RAB21: variants seen among roughly 807,000 people sequenced by gnomAD.
RAB21 encodes the protein ras-related protein Rab-21.
A neutral mutation model predicts 33.1 loss-of-function variants in RAB21; 13 were observed. That is an observed-to-expected ratio of 0.39 (90% CI 0.26 to 0.62). RAB21 has a LOEUF of 0.62. Ranked by LOEUF, RAB21 falls within the 20% of genes least tolerant of loss-of-function variation. RAB21 has a pLI of 0.48. For missense variants in RAB21, 234 were observed against 279.1 expected, an observed-to-expected ratio of 0.84 and a Z score of 1.15; for synonymous variants, 91 against 103.7, an observed-to-expected ratio of 0.88 and a Z score of 0.74.
rs1228982652 is a variant in RAB21, at chr12:71,785,711, T to G, written c.*38T>G. 6.2e-7 allele frequency: 1 copy of G among 1,609,016 alleles called. No homozygotes were observed. The highest frequency in any genetic ancestry group is 1.7e-5 in the Admixed American group (1 of 59,676). The stretch of plus-strand genomic sequence containing the variant: ...AAGAAATTAAAAGACAGAACAAAAC[T>G]GTGGATCATTGCCCTCAACATGAAG... On this transcript the variant is annotated 3_prime_UTR_variant, in exon 7 of 7. Coordinates refer to ENST00000261263, the MANE Select transcript of RAB21 (RefSeq NM_014999.4).
At chr12:71,770,944 T>C (rs1172788479) in intron 3 of RAB21, among the ~76,000 whole-genome samples, 2 of 152,220 alleles carry the variant, frequency 1.3e-5, no homozygotes, top group African/African-American at 2.4e-5. Flanking sequence ...AATGCCTTAT[T>C]ACATGGCTTT....
rs188760898 is a variant in RAB21, at chr12:71,755,901, A to G, written c.159+613A>G. On this transcript the variant is annotated intron_variant, in intron 1 of 6. Transcript: ENST00000261263. ...GTCGATTGACCCACGCTGAAACATC[A>G]AGTGAATACTGGCCAACAATTGGTC... 2.6e-5 allele frequency among the ~76,000 whole-genome samples: 4 copies of G among 152,312 alleles called. No individual in the cohort carries two copies. The East Asian group carries it at 7.7e-4, about 29-fold the overall frequency.
At chr12:71,776,794 G>A (rs1055309976) in intron 4 of RAB21, among the ~76,000 whole-genome samples, 1 of 150,990 alleles carries the variant, frequency 6.6e-6, no homozygotes, top group South Asian at 2.1e-4. Flanking sequence ...TAAAAAAAAA[G>A]TATTTTGGGC....
chr12:71,761,786 G>C (rs1206517239), intron 1 of RAB21, among the ~76,000 whole-genome samples: 2 of 152,000 alleles, frequency 1.3e-5, no homozygotes, highest in Non-Finnish European at 2.9e-5. Context: ...TTATTTTTGA[G>C]ACACTTGGCT....
In RAB21 at chr12:71,796,278, G is replaced by A. The variant is rs1343265174; in HGVS notation, c.*10605G>A. 1 of 137,466 alleles carries A rather than the reference G, an allele frequency of 7.3e-6. No homozygotes were observed. The highest frequency in any genetic ancestry group is 1.5e-5 in the Non-Finnish European group (1 of 65,966). The allele number at this position is 137,466 out of a possible 1,614,324, so 8.5% of individuals were successfully genotyped here. A position where few individuals can be genotyped will look rare whatever the true frequency, so the allele number is the denominator to read the frequency against. ...GGATAGTGTCTCATGGCCCTGTGAG[G>A]GAACTCTACAAATTTTATCCATTTT... On this transcript the variant is annotated 3_prime_UTR_variant, in exon 7 of 7. Transcript: ENST00000261263.
chr12:71,783,565 A>C (rs1005236996), intron 6 of RAB21, among the ~76,000 whole-genome samples: 81 of 152,224 alleles, frequency 5.3e-4, no homozygotes, highest in Middle Eastern at 6.8e-3. Context: ...CCTGATCAGC[A>C]GCATCAATAT....
chr12:71,758,258 C>T (rs1882816884), intron 1 of RAB21, among the ~76,000 whole-genome samples: 1 of 152,010 alleles, frequency 6.6e-6, no homozygotes, highest in Non-Finnish European at 1.5e-5. Flanking sequence ...GTCTCGAACT[C>T]CTGACCTCAG....
Position 71,794,219 on chromosome 12 carries a change from C to G in RAB21, c.*8546C>G, listed in dbSNP as rs1394533830. The G allele has an allele frequency of 2.9e-5, 4 of 136,868 alleles. No individual in the cohort carries two copies. The highest frequency in any genetic ancestry group is 6.0e-5 in the Non-Finnish European group (4 of 66,466). 8.5% of individuals were successfully genotyped at this position (136,868 alleles called of 1,614,324 possible). ...CCTGGACGACAGAGTGAGGCCCTGT[C>G]TCAAAAAAAGAAAAAAGAAAAAAAA... On this transcript the variant is annotated 3_prime_UTR_variant, in exon 7 of 7. Coordinates refer to ENST00000261263, the MANE Select transcript of RAB21 (RefSeq NM_014999.4).
chr12:71,757,086 A>G (rs1174449990), intron 1 of RAB21, among the ~76,000 whole-genome samples: 2 of 152,210 alleles, frequency 1.3e-5, no homozygotes, highest in African/African-American at 4.8e-5. Flanking sequence ...ATCTAAGATA[A>G]AAGAAAACTA....
At chr12:71,781,991 AAATC>A (rs1338678761) in intron 4 of RAB21, 36 bp from the exon 5 acceptor site, 4 of 1,438,610 alleles carry the variant, frequency 2.8e-6, no homozygotes, top group Admixed American at 1.9e-5. Context: ...TTATGAAAAT[AAATC>A]AGTATAAAGA....
At position 71,789,178 on chromosome 12, in the gene RAB21, C is replaced by A. The variant is rs1325757082; in HGVS notation, c.*3505C>A. 6.6e-6 allele frequency: 1 copy of A among 151,448 alleles called. No individual in the cohort carries two copies. The highest frequency in any genetic ancestry group is 2.4e-5 in the African/African-American group (1 of 41,224). The allele number at this position is 151,448 out of a possible 1,614,324, so 9.4% of individuals were successfully genotyped here. ...AAGTCAAGTAAATAAAAAACTACAA[C>A]CTGACAGTTTTTTAAATCACTTTGA... On this transcript the variant is annotated 3_prime_UTR_variant, in exon 7 of 7. Transcript: ENST00000261263.
chr12:71,758,113 A>G (rs1197551759), intron 1 of RAB21, among the ~76,000 whole-genome samples: 1 of 151,584 alleles, frequency 6.6e-6, no homozygotes, highest in African/African-American at 2.4e-5. Context: ...GCTCATTGCA[A>G]CCTCTGCCTC....
Position 71,789,546 on chromosome 12 carries a change from A to G in RAB21, c.*3873A>G, listed in dbSNP as rs1883348803. On this transcript the variant is annotated 3_prime_UTR_variant, in exon 7 of 7. Transcript: ENST00000261263. ...AAGAGGGAATACATAATTTGTGACCATTTAAGATGCTGATATTTTCTGGAA... is the reference window on the plus strand; with the variant it reads ...AAGAGGGAATACATAATTTGTGACCGTTTAAGATGCTGATATTTTCTGGAA... 1 of 152,144 alleles carries G rather than the reference A, an allele frequency of 6.6e-6. No individual in the cohort carries two copies. Among genetic ancestry groups the G allele is most frequent in the South Asian group, 2.1e-4 (1 of 4,832 alleles). The allele number at this position is 152,144 out of a possible 1,614,324, so 9.4% of individuals were successfully genotyped here.
Position 71,789,087 on chromosome 12 carries a change from T to C in RAB21, c.*3414T>C, listed in dbSNP as rs1019303682. 1 of 151,994 alleles carries C rather than the reference T, an allele frequency of 6.6e-6. No individual in the cohort carries two copies. The allele number at this position is 151,994 out of a possible 1,614,324, so 9.4% of individuals were successfully genotyped here. On this transcript the variant is annotated 3_prime_UTR_variant, in exon 7 of 7. Transcript: ENST00000261263. ...AAGAAGAAGAGTAGTACTTCACTTT[T>C]AGGTTTTTAGTAGTGAAAGATAAAA...
At chr12:71,779,961 T>C (rs1008728319) in intron 4 of RAB21, among the ~76,000 whole-genome samples, 1 of 152,230 alleles carries the variant, frequency 6.6e-6, no homozygotes, top group Non-Finnish European at 1.5e-5. Flanking sequence ...GGTCAGTCAC[T>C]AGCCAGTCAG....
Position 71,755,284 on chromosome 12 carries a change from T to A in RAB21, c.155T>A (p.Leu52Gln). The A allele has an allele frequency of 6.6e-7, 1 of 1,522,168 alleles. No individual in the cohort carries two copies. Among genetic ancestry groups the A allele is most frequent in the Non-Finnish European group, 8.8e-7 (1 of 1,138,868 alleles). 94.3% of individuals were successfully genotyped at this position (1,522,168 alleles called of 1,614,324 possible). A position where few individuals can be genotyped will look rare whatever the true frequency, so the allele number is the denominator to read the frequency against. The change falls in exon 1 of 7, where the codon CTG (leucine) becomes CAG (glutamine). Residue 52 changes from leucine (L) to glutamine (Q), a missense_variant. Coordinates refer to ENST00000261263, the MANE Select transcript of RAB21 (RefSeq NM_014999.4). ...NKFNDKHITT[L>Q]QASFLTKKLN... ...TTTAACGACAAGCACATCACCACTC[T>A]GCAGGTGCGGACCTCGGGGAGCGGG...
At chr12:71,772,478 T>C (rs1883058173) in intron 3 of RAB21, among the ~76,000 whole-genome samples, 1 of 152,162 alleles carries the variant, frequency 6.6e-6, no homozygotes, top group South Asian at 2.1e-4. Context: ...TAGCAAAGAA[T>C]TTGTGACCAT....
In RAB21 at chr12:71,796,493, G is replaced by C. The variant is rs1057031863; in HGVS notation, c.*10820G>C. The C allele has an allele frequency of 7.3e-6, 1 of 137,674 alleles. No homozygotes were observed. Among genetic ancestry groups the C allele is most frequent in the Non-Finnish European group, 1.5e-5 (1 of 65,986 alleles). 8.5% of individuals were successfully genotyped at this position (137,674 alleles called of 1,614,324 possible). A position where few individuals can be genotyped will look rare whatever the true frequency, so the allele number is the denominator to read the frequency against. On this transcript the variant is annotated 3_prime_UTR_variant, in exon 7 of 7. Transcript: ENST00000261263. The stretch of plus-strand genomic sequence containing the variant: ...TTTTCTGTAATATTAGGATGGACAT[G>C]TGTCTGGCTTATCCTTCCTATCTAG...
At chr12:71,771,293 A>AT (rs1883038594) in intron 3 of RAB21, among the ~76,000 whole-genome samples, 1 of 152,156 alleles carries the variant, frequency 6.6e-6, no homozygotes, top group Admixed American at 6.5e-5. Flanking sequence ...TTACCTCTGA[A>AT]TTTTCATCAC....
Sources: gnomAD v4.1 joint callset for allele counts (sites outside exome capture counted in the v4.1 genomes callset) on GRCh38, gnomAD v4.1.1 for gene constraint, MANE v1.5 for transcripts, NCBI Gene and HGNC (gene_info 2026-07-23, HGNC 2026-07-21) for gene names.